The following NCK2 variants were observed in gnomAD, a reference collection of about 807,000 sequenced individuals.
NCK2 encodes NCK adaptor protein 2.
In NCK2, 16 loss-of-function variants were observed where a neutral mutation model predicts 33.9. The observed-to-expected ratio is 0.47, with a 90% CI of 0.32 to 0.72. The LOEUF (loss-of-function observed/expected upper bound fraction) is 0.72, where lower values mean the gene tolerates loss of function less well. Ranked by LOEUF, NCK2 falls within the 30% of genes least tolerant of loss-of-function variation. The pLI is 0.03. For missense variants in NCK2, 418 were observed against 537.3 expected, an observed-to-expected ratio of 0.78 and a Z score of 2.19; for synonymous variants, 273 against 239.9, an observed-to-expected ratio of 1.14 and a Z score of -1.27.
chr2:105,768,959 T>C (rs1474106452), intron 1 of NCK2, among the ~76,000 whole-genome samples: 1 of 152,196 alleles, frequency 6.6e-6, no homozygotes, highest in Non-Finnish European at 1.5e-5. Flanking sequence ...CCCAGTCTCC[T>C]GGCCCCCCAC....
intron 2 of NCK2, among the ~76,000 whole-genome samples, chr2:105,843,522 A>T (rs116478131): frequency 0.05 from 7,583 of 152,258 alleles, 226 homozygotes; most frequent in South Asian, 0.081. Context: ...GGGGTAGAAA[A>T]TATGCAAGAA....
intron 1 of NCK2, among the ~76,000 whole-genome samples, chr2:105,796,554 G>A (rs529187403): frequency 3.3e-5 from 5 of 152,182 alleles, no homozygotes; most frequent in Non-Finnish European, 5.9e-5. Context: ...GGCACAGAAC[G>A]CAGGTGTTCA....
chr2:105,783,463 TG>T (rs981598274), intron 1 of NCK2, among the ~76,000 whole-genome samples: 1 of 152,176 alleles, frequency 6.6e-6, no homozygotes, highest in African/African-American at 2.4e-5. Flanking sequence ...GATGCAGCGT[TG>T]CCTGTCTGAG....
intron 4 of NCK2, 137 bp from the exon 5 acceptor site, chr2:105,892,845 C>CAA (rs34235939): frequency 0.03 from 13,824 of 465,446 alleles, 30 homozygotes; most frequent in East Asian, 0.037. Context: ...AACTCCATCT[C>CAA]AAAAAAAAAA....
chr2:105,876,454 G>A (rs1678238361), intron 3 of NCK2, among the ~76,000 whole-genome samples: 1 of 152,180 alleles, frequency 6.6e-6, no homozygotes, highest in East Asian at 1.9e-4. Flanking sequence ...AGGTGAGCAG[G>A]CTCCAGGGAC....
intron 3 of NCK2, among the ~76,000 whole-genome samples, chr2:105,867,989 C>G (rs1677827577): frequency 6.6e-6 from 1 of 152,286 alleles, no homozygotes; most frequent in South Asian, 2.1e-4. Context: ...CAAAATGTTC[C>G]TTTGCTCTAT....
At chr2:105,768,663 A>T (rs1383744935) in intron 1 of NCK2, among the ~76,000 whole-genome samples, 1 of 152,126 alleles carries the variant, frequency 6.6e-6, no homozygotes, top group Non-Finnish European at 1.5e-5. Flanking sequence ...TTAAAACATG[A>T]TGAGTTTTTT....
intron 1 of NCK2, among the ~76,000 whole-genome samples, chr2:105,777,787 C>T (rs1458442945): frequency 6.6e-6 from 1 of 152,102 alleles, no homozygotes; most frequent in Non-Finnish European, 1.5e-5. Flanking sequence ...ACTGTTTGCT[C>T]CTGTCAAGCA....
intron 3 of NCK2, among the ~76,000 whole-genome samples, chr2:105,862,706 C>A (rs1396157231): frequency 1.3e-5 from 2 of 152,150 alleles, no homozygotes; most frequent in Non-Finnish European, 2.9e-5. Context: ...TGATGAATGC[C>A]CTTATTTGTG....
At chr2:105,748,813 A>G (rs1165215910) in intron 1 of NCK2, among the ~76,000 whole-genome samples, 3 of 152,098 alleles carry the variant, frequency 2.0e-5, no homozygotes, top group Non-Finnish European at 2.9e-5. Context: ...TGTGCAACAA[A>G]TACTTATTGA....
At chr2:105,863,868 C>T (rs537240739) in intron 3 of NCK2, among the ~76,000 whole-genome samples, 7 of 152,162 alleles carry the variant, frequency 4.6e-5, no homozygotes, top group African/African-American at 1.4e-4. Context: ...TCAGTTGCGT[C>T]GTCTGTATAA....
intron 1 of NCK2, among the ~76,000 whole-genome samples, chr2:105,816,137 A>G (rs1353768227): frequency 1.3e-5 from 2 of 152,136 alleles, no homozygotes; most frequent in Admixed American, 6.5e-5. Flanking sequence ...TATTTAAAAC[A>G]TTGGTTTCAA....
At chr2:105,754,314 A>T (rs1308076358) in intron 1 of NCK2, among the ~76,000 whole-genome samples, 1 of 152,212 alleles carries the variant, frequency 6.6e-6, no homozygotes, top group East Asian at 1.9e-4. Context: ...AGAAGTGAAA[A>T]GTAAGTTAGA....
At chr2:105,892,791 A>C (rs1176514152) in intron 4 of NCK2, among the ~76,000 whole-genome samples, 191 bp from the exon 5 acceptor site, 1 of 151,170 alleles carries the variant, frequency 6.6e-6, no homozygotes, top group Non-Finnish European at 1.5e-5. Flanking sequence ...GGTTGCAGTG[A>C]GCCGAGATTG....
chr2:105,836,476 T>C (rs1028226834), intron 2 of NCK2, among the ~76,000 whole-genome samples: 1 of 152,054 alleles, frequency 6.6e-6, no homozygotes, highest in Non-Finnish European at 1.5e-5. Flanking sequence ...GGACAGTGGG[T>C]GGGCTGGTTT....
At chr2:105,822,191 G>A (rs1352902845) in intron 2 of NCK2, among the ~76,000 whole-genome samples, 2 of 151,784 alleles carry the variant, frequency 1.3e-5, no homozygotes, top group Non-Finnish European at 2.9e-5. Context: ...CTTTGGAAAC[G>A]TAAGGGTGTG....
chr2:105,822,391 T>C (rs955955691), intron 2 of NCK2, among the ~76,000 whole-genome samples: 1 of 150,632 alleles, frequency 6.6e-6, no homozygotes, highest in African/African-American at 2.5e-5. Flanking sequence ...ACATCAGACC[T>C]GCCAAAAGAG....
At chr2:105,879,456 A>G (rs910276741) in intron 3 of NCK2, among the ~76,000 whole-genome samples, 1 of 152,238 alleles carries the variant, frequency 6.6e-6, no homozygotes, top group African/African-American at 2.4e-5. Flanking sequence ...CTATGAAAGG[A>G]TGAGTTCTCA....
chr2:105,766,803 G>C (rs115950492), intron 1 of NCK2, among the ~76,000 whole-genome samples: 1 of 152,226 alleles, frequency 6.6e-6, no homozygotes, highest in South Asian at 2.1e-4. Context: ...CAGGATTTTC[G>C]TTCCCTCCAA....
Sources: allele counts gnomAD v4.1 joint callset (sites outside exome capture counted in the v4.1 genomes callset), GRCh38; gene constraint gnomAD v4.1.1; transcripts MANE v1.5; gene names NCBI Gene and HGNC (gene_info 2026-07-23, HGNC 2026-07-21).